The following ADCY1 variants were observed in gnomAD, a reference collection of about 807,000 sequenced individuals.
ADCY1 encodes adenylate cyclase type 1.
Under a neutral mutation model 105.4 loss-of-function variants are expected in ADCY1, and 28 were observed. The ratio of observed to expected loss-of-function variants is 0.27; its 90% CI spans 0.20 to 0.36. The LOEUF (loss-of-function observed/expected upper bound fraction) is 0.36. ADCY1 is among the 10% of genes least tolerant of loss of function. The probability of loss-of-function intolerance (pLI) is 1.00; values close to 1 mark genes in which losing one functional copy is unlikely to be tolerated. For synonymous variants in ADCY1, 655 were observed against 623.8 expected (o/e 1.05, Z -0.75); for missense variants, 977 against 1,434.2 (o/e 0.68, Z 5.15).
intron 1 of ADCY1, among the ~76,000 whole-genome samples, chr7:45,580,645 T>C (rs1792505875): frequency 1.3e-5 from 2 of 152,160 alleles, no homozygotes; most frequent in South Asian, 4.1e-4. Context: ...GACTGGGCGC[T>C]CAGCCAGGAT....
At chr7:45,599,118 G>A (rs1793152975) in intron 2 of ADCY1, among the ~76,000 whole-genome samples, 1 of 152,136 alleles carries the variant, frequency 6.6e-6, no homozygotes, top group Admixed American at 6.5e-5. Flanking sequence ...CTGTGCAAGT[G>A]GAACTGAGGT....
intron 12 of ADCY1, 47 bp downstream of exon 12, chr7:45,685,115 G>A: frequency 6.5e-7 from 1 of 1,546,932 alleles, no homozygotes; most frequent in African/African-American, 1.4e-5. Flanking sequence ...GAGAGGGCAT[G>A]GCATGGAGGA....
chr7:45,617,503 C>T (rs1222739858), intron 3 of ADCY1, among the ~76,000 whole-genome samples: 1 of 152,178 alleles, frequency 6.6e-6, no homozygotes, highest in African/African-American at 2.4e-5. Context: ...ACCCCACTTT[C>T]CCCTTGGCAG....
intron 14 of ADCY1, among the ~76,000 whole-genome samples, chr7:45,694,696 C>G (rs1290713473): frequency 6.6e-6 from 1 of 152,118 alleles, no homozygotes; most frequent in Non-Finnish European, 1.5e-5. Context: ...GGATACAGAT[C>G]CTTTGGGTCT....
intron 4 of ADCY1, among the ~76,000 whole-genome samples, chr7:45,637,568 GA>G (rs917404469): frequency 6.6e-6 from 1 of 151,772 alleles, no homozygotes; most frequent in African/African-American, 2.4e-5. Flanking sequence ...CTGAAAAAAA[GA>G]AAAAACTTAA....
At chr7:45,660,720 G>A (rs113951261) in intron 7 of ADCY1, among the ~76,000 whole-genome samples, 282 of 151,284 alleles carry the variant, frequency 1.9e-3, no homozygotes, top group African/African-American at 6.5e-3. Flanking sequence ...GGTGTTCAGG[G>A]GACAGGTGAG....
Position 45,713,835 on chromosome 7 carries a change from C to G in ADCY1, c.3200C>G (p.Ser1067Cys), listed in dbSNP as rs201599762. 3.8e-6 allele frequency: 3 copies of G among 780,916 alleles called. No individual in the cohort carries two copies. The highest frequency in any genetic ancestry group is 7.2e-6 in the Non-Finnish European group (3 of 418,144). 48.4% of individuals were successfully genotyped at this position (780,916 alleles called of 1,614,324 possible). A position where few individuals can be genotyped will look rare whatever the true frequency, so the allele number is the denominator to read the frequency against. The change falls in exon 20 of 20, where the codon TCC becomes TGC. Residue 1067 changes from serine (S) to cysteine (C), a missense_variant. Ser to Cys is a moderately radical substitution (Grantham distance 112). Around this residue, in one of 7 missense-constraint regions of ADCY1, gnomAD observed 78 missense variants for 60.0 expected, o/e 1.30. Transcript: ENST00000297323. ...RTDGNGSQIR[S>C]LGLDRKMCPF... is the part of the protein sequence containing the mutation. ...GATGGAAACGGCTCCCAAATCAGGT[C>G]CCTGGGCTTGGATCGGAAAATGTGT...
At chr7:45,689,900 AAG>A (rs1348782284) in intron 14 of ADCY1, among the ~76,000 whole-genome samples, 1 of 152,228 alleles carries the variant, frequency 6.6e-6, no homozygotes, top group Non-Finnish European at 1.5e-5. Context: ...ACATGGCAGA[AAG>A]AGGGAATTCT....
Position 45,686,286 on chromosome 7 carries a change from C to T in ADCY1, c.2327+71C>T, listed in dbSNP as rs1290058441. 1.3e-6 allele frequency: 2 copies of T among 1,542,450 alleles called. No homozygotes were observed. The highest frequency in any genetic ancestry group is 4.5e-5 in the East Asian group (2 of 44,290). On this transcript the variant is annotated intron_variant, in intron 13 of 19. Transcript: ENST00000297323. The surrounding 1 kb of genome is among the most constrained non-coding windows in gnomAD (Gnocchi z 4.3). Reference sequence around the variant, plus strand: ...CTGAATCTGTGTATACAGATATGCACTACAGGCTTCTGAGTCCAGAACTAG... The same window carrying T: ...CTGAATCTGTGTATACAGATATGCATTACAGGCTTCTGAGTCCAGAACTAG...
rs1251298753 is a variant in ADCY1 at position 45,713,865 on chromosome 7, T to G, written c.3230T>G (p.Phe1077Cys). 1.3e-6 allele frequency: 1 copy of G among 780,758 alleles called. No individual in the cohort carries two copies. 48.4% of individuals were successfully genotyped at this position (780,758 alleles called of 1,614,324 possible). A position where few individuals can be genotyped will look rare whatever the true frequency, so the allele number is the denominator to read the frequency against. Residue 1077 changes from phenylalanine to cysteine, a missense_variant, in exon 20 of 20, where the codon TTT becomes TGT. Physicochemically the swap from Phe to Cys is radical, Grantham distance 205. This residue lies in a region of ADCY1 where 78 missense variants were observed against 60.0 expected (regional missense o/e 1.30). Transcript: ENST00000297323. ...GGCTTGGATCGGAAAATGTGTCCATTTGGGAGAGCTGGCCTTCAGGGCAGA... is the reference window on the plus strand; with the variant it reads ...GGCTTGGATCGGAAAATGTGTCCATGTGGGAGAGCTGGCCTTCAGGGCAGA... ...SLGLDRKMCPFGRAGLQGRRP... is the reference protein window; with the variant it reads ...SLGLDRKMCPCGRAGLQGRRP...
intron 3 of ADCY1, among the ~76,000 whole-genome samples, chr7:45,622,180 T>A (rs1377669103): frequency 6.6e-6 from 1 of 152,126 alleles, no homozygotes; most frequent in Non-Finnish European, 1.5e-5. Flanking sequence ...GACACCACAC[T>A]CAGGGCCTGG....
At chr7:45,685,393 G>A (rs913740820) in intron 12 of ADCY1, among the ~76,000 whole-genome samples, 1 of 152,006 alleles carries the variant, frequency 6.6e-6, no homozygotes, top group Admixed American at 6.5e-5. Flanking sequence ...GGAACAGGAT[G>A]GAGCTGGGGC....
chr7:45,703,389 G>A lies in ADCY1; in HGVS notation c.2468G>A (p.Arg823Gln), dbSNP rs1167597648. The part of the protein sequence containing the change: ...YLWAAQAEEE[R>Q]EDMEKVKLDN... ...ATGATACCCCAGGCAGAGGAGGAGC[G>A]AGAGGACATGGAGAAGGTGAAGCTG... Residue 823 changes from arginine (R) to glutamine (Q), a missense_variant, in exon 15 of 20, where the codon CGA (arginine) becomes CAA (glutamine). Around this residue, in one of 7 missense-constraint regions of ADCY1, gnomAD observed 152 missense variants for 293.7 expected, o/e 0.52. Transcript: ENST00000297323. The surrounding 1 kb of genome is among the most constrained non-coding windows in gnomAD (Gnocchi z 5.9). 7 of 1,613,984 alleles carry A rather than the reference G, an allele frequency of 4.3e-6. No homozygotes were observed. The Admixed American group carries it at 1.0e-4, about 23-fold the overall frequency.
rs149521109 is a variant in ADCY1, at chr7:45,679,604, G to C, written c.1899-105G>C. ...CAGGTTAACGATGCTGCTTCCTCCT[G>C]AGAGCACAGGGGATGTGGAGGGAGG... On this transcript the variant is annotated intron_variant, in intron 10 of 19. Coordinates refer to ENST00000297323, the MANE Select transcript of ADCY1 (RefSeq NM_021116.4). The C allele has an allele frequency of 3.6e-6, 4 of 1,110,382 alleles. No homozygotes were observed. In the Admixed American group the frequency reaches 5.6e-5, roughly 15 times the overall value. The allele number at this position is 1,110,382 out of a possible 1,614,324, so 68.8% of individuals were successfully genotyped here. A position where few individuals can be genotyped will look rare whatever the true frequency, so the allele number is the denominator to read the frequency against.
chr7:45,677,483 C>T (rs1174823682), intron 8 of ADCY1, among the ~76,000 whole-genome samples: 5 of 152,180 alleles, frequency 3.3e-5, no homozygotes, highest in Non-Finnish European at 1.5e-5. Flanking sequence ...GTTTCTCTCT[C>T]TTAGAAGGAG....
chr7:45,583,603 GC>G (rs1478322460), intron 1 of ADCY1, among the ~76,000 whole-genome samples: 3 of 152,226 alleles, frequency 2.0e-5, no homozygotes, highest in Middle Eastern at 3.4e-3. Context: ...TGCTTGGCTG[GC>G]CTGGCTTCCT....
In ADCY1 at chr7:45,647,480, T is replaced by C. The variant is rs1794694367; in HGVS notation, c.1021-1190T>C. ...GATCACATTAAATATAAGCCACCGA[T>C]GTGTTCTCAGAGTGGCTGAAGGAGT... On this transcript the variant is annotated intron_variant, in intron 4 of 19. Transcript: ENST00000297323. The surrounding 1 kb of genome is among the most constrained non-coding windows in gnomAD (Gnocchi z 4.6). 6.6e-6 allele frequency among the ~76,000 whole-genome samples: 1 copy of C among 152,214 alleles called. No homozygotes were observed. The highest frequency in any genetic ancestry group is 1.5e-5 in the Non-Finnish European group (1 of 68,032).
chr7:45,597,541 C>T (rs1162093663), intron 2 of ADCY1, among the ~76,000 whole-genome samples: 1 of 152,176 alleles, frequency 6.6e-6, no homozygotes, highest in African/African-American at 2.4e-5. Flanking sequence ...TTGCAGCAAC[C>T]CATGAAGAGG....
chr7:45,711,463 A>C (rs1360635964), intron 19 of ADCY1, among the ~76,000 whole-genome samples: 1 of 151,898 alleles, frequency 6.6e-6, no homozygotes, highest in Non-Finnish European at 1.5e-5. Context: ...GCACTTCTGC[A>C]TTCTCTTTTT....
Sources: gnomAD v4.1 joint callset for allele counts (sites outside exome capture counted in the v4.1 genomes callset) on GRCh38, gnomAD v4.1.1 for gene constraint, gnomAD v4.1.1 regional missense constraint, Gnocchi (gnomAD v3.1) non-coding constraint, MANE v1.5 for transcripts, NCBI Gene and HGNC (gene_info 2026-07-23, HGNC 2026-07-21) for gene names.